Variants in MBD5 observed in about 807,000 individuals in gnomAD.
The protein encoded by MBD5 is methyl-CpG-binding domain protein 5.
Under a neutral mutation model 117.3 loss-of-function variants are expected in MBD5, and 13 were observed. The observed-to-expected ratio is 0.11, with a 90% CI of 0.07 to 0.18. The LOEUF (loss-of-function observed/expected upper bound fraction) is 0.18. MBD5 is among the 10% of genes least tolerant of loss of function. The pLI is 1.00. For synonymous variants in MBD5, 727 were observed against 766.4 expected (o/e 0.95, Z 0.85); for missense variants, 1,879 against 2,093.8 (o/e 0.90, Z 2.00).
At chr2:148,197,725 T>A (rs1390884783) in intron 2 of MBD5, among the ~76,000 whole-genome samples, 3 of 152,104 alleles carry the variant, frequency 2.0e-5, no homozygotes, top group Non-Finnish European at 4.4e-5. Context: ...GATTTAGTGT[T>A]TTCTTTCTTT....
At position 148,514,893 on chromosome 2, in the gene MBD5, G is replaced by A. The variant is rs1374443480; in HGVS notation, c.*1952G>A. On this transcript the variant is annotated 3_prime_UTR_variant, in exon 14 of 14. Coordinates refer to ENST00000642680, the MANE Select transcript of MBD5 (RefSeq NM_001378120.1). ...GATGGAATGCAACTGGCTACCCTGGGCTTCATGACCTCAAAGTAGGAACCC... is the reference window on the plus strand; with the variant it reads ...GATGGAATGCAACTGGCTACCCTGGACTTCATGACCTCAAAGTAGGAACCC... 1 of 152,170 alleles carries A rather than the reference G, an allele frequency of 6.6e-6. No individual in the cohort carries two copies. The highest frequency in any genetic ancestry group is 1.5e-5 in the Non-Finnish European group (1 of 68,062). The allele number at this position is 152,170 out of a possible 1,614,324, so 9.4% of individuals were successfully genotyped here. A position where few individuals can be genotyped will look rare whatever the true frequency, so the allele number is the denominator to read the frequency against.
At position 148,355,496 on chromosome 2, in the gene MBD5, T is replaced by A. The variant is rs544001102; in HGVS notation, c.-557+13160T>A. On this transcript the variant is annotated intron_variant, in intron 4 of 13. Coordinates refer to ENST00000642680, the MANE Select transcript of MBD5 (RefSeq NM_001378120.1). ...AGGGATCCAGTTTCTGTTTTCTGCATATGGCTAGCCAGTTTTCCCAACAGC... is the reference window on the plus strand; with the variant it reads ...AGGGATCCAGTTTCTGTTTTCTGCAAATGGCTAGCCAGTTTTCCCAACAGC... Among the ~76,000 whole-genome samples, 4 of 152,318 alleles carry A rather than the reference T, an allele frequency of 2.6e-5. No individual in the cohort carries two copies. In the South Asian group the frequency reaches 6.2e-4, roughly 24 times the overall value.
intron 1 of MBD5, among the ~76,000 whole-genome samples, chr2:148,166,407 A>G (rs1207142991): frequency 2.0e-5 from 3 of 152,198 alleles, no homozygotes; most frequent in African/African-American, 7.2e-5. Flanking sequence ...GTTTCTAGAC[A>G]TGATAAAAAT....
intron 1 of MBD5, among the ~76,000 whole-genome samples, chr2:148,104,608 G>A (rs973442063): frequency 2.0e-5 from 3 of 152,052 alleles, no homozygotes; most frequent in East Asian, 1.9e-4. Context: ...CAGCATTCTC[G>A]ATTTGCAGTT....
chr2:148,510,876 A>T (rs188768807), intron 13 of MBD5, among the ~76,000 whole-genome samples: 2 of 152,336 alleles, frequency 1.3e-5, no homozygotes, highest in Admixed American at 1.3e-4. Flanking sequence ...TGATAAAATT[A>T]TAGGAAAGAT....
intron 1 of MBD5, among the ~76,000 whole-genome samples, chr2:148,074,507 G>GTTTTTTTTTTTTTTT (rs11443189): frequency 5.7e-4 from 65 of 113,758 alleles, no homozygotes; most frequent in African/African-American, 1.3e-3. Context: ...TTTTTTTTTT[G>GTTTTTTTTTTTTTTT]TTTTTTTTTT....
In MBD5 at chr2:148,309,435, T is replaced by G. The variant is rs191408394; in HGVS notation, c.-679-32779T>G. 2.6e-5 allele frequency among the ~76,000 whole-genome samples: 4 copies of G among 152,316 alleles called. No individual in the cohort carries two copies. In the East Asian group the frequency reaches 7.7e-4, roughly 29 times the overall value. ...GTAGCAACTGTGAATGAGAGTTCAC[T>G]CATGATTAGGCTGTCTGTCTGTTAC... On this transcript the variant is annotated intron_variant, in intron 3 of 13. Coordinates refer to ENST00000642680, the MANE Select transcript of MBD5 (RefSeq NM_001378120.1).
chr2:148,183,027 A>G (rs549701232), intron 2 of MBD5, among the ~76,000 whole-genome samples: 1 of 152,206 alleles, frequency 6.6e-6, no homozygotes, highest in Non-Finnish European at 1.5e-5. Context: ...CTGCTTTTGT[A>G]TAACTAGAAA....
intron 9 of MBD5, chr2:148,485,166 A>G (rs1681296695): frequency 6.6e-6 from 1 of 152,378 alleles, no homozygotes; most frequent in South Asian, 2.1e-4. Context: ...AATGATTATG[A>G]CAATGAATTC....
intron 2 of MBD5, among the ~76,000 whole-genome samples, chr2:148,225,612 C>T (rs1018496685): frequency 1.3e-5 from 2 of 152,154 alleles, no homozygotes; most frequent in African/African-American, 4.8e-5. Flanking sequence ...GATCAAAATA[C>T]TCCCTTTAGC....
chr2:148,505,323 T>A (rs1233663164), intron 12 of MBD5, among the ~76,000 whole-genome samples: 1 of 152,058 alleles, frequency 6.6e-6, no homozygotes, highest in Non-Finnish European at 1.5e-5. Flanking sequence ...TGGGGAGAAG[T>A]GGTATTTGAC....
At position 148,463,779 on chromosome 2, in the gene MBD5, C is replaced by T; in HGVS notation, c.257C>T (p.Thr86Ile). Reference protein sequence around the residue: ...FDPGAAVKQRTAEDVKADEDV... With the variant: ...FDPGAAVKQRIAEDVKADEDV... ...CCTGGAGCTGCTGTGAAACAGAGAACCGCAGAAGATGTTAAGGCAGATGAA... is the reference window on the plus strand; with the variant it reads ...CCTGGAGCTGCTGTGAAACAGAGAATCGCAGAAGATGTTAAGGCAGATGAA... Residue 86 changes from threonine to isoleucine, a missense_variant, in exon 7 of 14, where the codon ACC (threonine) becomes ATC (isoleucine). By Grantham distance (89) the Thr-to-Ile change is moderately conservative. Transcript: ENST00000642680. 6.2e-7 allele frequency: 1 copy of T among 1,613,780 alleles called. No homozygotes were observed. The highest frequency in any genetic ancestry group is 8.5e-7 in the Non-Finnish European group (1 of 1,179,760).
intron 1 of MBD5, among the ~76,000 whole-genome samples, chr2:148,032,595 T>C (rs1241334731): frequency 6.6e-6 from 1 of 152,132 alleles, no homozygotes; most frequent in Non-Finnish European, 1.5e-5. Flanking sequence ...TAAGTGATGA[T>C]GCTAGGGAGT....
At position 148,510,322 on chromosome 2, in the gene MBD5, A is replaced by G. The variant is rs148575847; in HGVS notation, c.5112+187A>G. ...TAAGAAAAAGAAACCTACCACATTA[A>G]CTATGTCTTTCTTCCTGAGATAAGT... On this transcript the variant is annotated intron_variant, in intron 13 of 13. Coordinates refer to ENST00000642680, the MANE Select transcript of MBD5 (RefSeq NM_001378120.1). Among the ~76,000 whole-genome samples, 292 of 152,350 alleles carry G rather than the reference A, an allele frequency of 1.9e-3. 3 individuals are homozygous for G. Among genetic ancestry groups the G allele is most frequent in the Admixed American group, 0.016 (251 of 15,304 alleles).
chr2:148,426,909 A>T (rs1705810593), intron 4 of MBD5, among the ~76,000 whole-genome samples: 2 of 152,192 alleles, frequency 1.3e-5, no homozygotes, highest in African/African-American at 4.8e-5. Flanking sequence ...TCATCTGACA[A>T]AGGGCTAATA....
intron 1 of MBD5, among the ~76,000 whole-genome samples, chr2:148,121,577 C>T (rs1033035582): frequency 6.6e-6 from 1 of 151,978 alleles, no homozygotes; most frequent in African/African-American, 2.4e-5. Context: ...TGTTTTTATA[C>T]CTTGCCTGTT....
At chr2:148,189,488 A>G (rs1274331052) in intron 2 of MBD5, among the ~76,000 whole-genome samples, 3 of 111,358 alleles carry the variant, frequency 2.7e-5, no homozygotes, top group South Asian at 3.9e-4. Flanking sequence ...ACCCCCCAGC[A>G]GGGGCACACT....
At chr2:148,258,573 A>G (rs1016598229) in intron 3 of MBD5, among the ~76,000 whole-genome samples, 4 of 152,128 alleles carry the variant, frequency 2.6e-5, no homozygotes, top group Non-Finnish European at 2.9e-5. Flanking sequence ...AAACAGCTCT[A>G]CATGTCCTCC....
chr2:148,223,872 C>G (rs565832390), intron 2 of MBD5, among the ~76,000 whole-genome samples: 1 of 152,030 alleles, frequency 6.6e-6, no homozygotes, highest in Non-Finnish European at 1.5e-5. Flanking sequence ...CCGTAAACTT[C>G]CTTCTTAGTA....
Sources: gnomAD v4.1 joint callset for allele counts (sites outside exome capture counted in the v4.1 genomes callset) on GRCh38, gnomAD v4.1.1 for gene constraint, MANE v1.5 for transcripts, NCBI Gene and HGNC (gene_info 2026-07-23, HGNC 2026-07-21) for gene names.